POU2F1: variants seen among roughly 807,000 people sequenced by gnomAD.
POU2F1 encodes the protein POU class 2 homeobox 1, also known as POU domain, class 2, transcription factor 1.
In POU2F1, 16 loss-of-function variants were observed where a neutral mutation model predicts 84.9. The observed-to-expected ratio is 0.19, with a 90% CI of 0.13 to 0.29. The LOEUF (loss-of-function observed/expected upper bound fraction) is 0.29. Among genes scored for constraint, POU2F1 ranks in the 10% least tolerant of loss-of-function variants. The probability of loss-of-function intolerance (pLI) is 1.00; values close to 1 mark genes in which losing one functional copy is unlikely to be tolerated. For missense variants in POU2F1, 738 were observed against 942.6 expected (o/e 0.78, Z 2.84); for synonymous variants, 368 against 368.3 (o/e 1.00, Z 0.01).
At chr1:167,253,607 G>A (rs886324210) in intron 1 of POU2F1, among the ~76,000 whole-genome samples, 6 of 151,768 alleles carry the variant, frequency 4.0e-5, no homozygotes, top group African/African-American at 7.3e-5. Flanking sequence ...TTGTATTTTT[G>A]GTAGAGACAG....
intron 1 of POU2F1, among the ~76,000 whole-genome samples, chr1:167,258,527 C>G (rs111885678): frequency 3.3e-5 from 5 of 152,294 alleles, no homozygotes; most frequent in African/African-American, 1.2e-4. Flanking sequence ...GTCTATTTGT[C>G]TATCAGTCAG....
intron 2 of POU2F1, among the ~76,000 whole-genome samples, chr1:167,350,912 C>T (rs970089032): frequency 2.6e-5 from 4 of 151,150 alleles, no homozygotes; most frequent in African/African-American, 9.7e-5. Flanking sequence ...ACAGGAGAAT[C>T]GCTTGAACCC....
chr1:167,317,270 T>C (rs1655973142), intron 1 of POU2F1, among the ~76,000 whole-genome samples: 1 of 152,248 alleles, frequency 6.6e-6, no homozygotes, highest in Non-Finnish European at 1.5e-5. Context: ...TGACCTATTC[T>C]TTTTCTCCCT....
At chr1:167,407,581 C>G (rs1301482378) in intron 13 of POU2F1, among the ~76,000 whole-genome samples, 1 of 152,070 alleles carries the variant, frequency 6.6e-6, no homozygotes, top group Admixed American at 6.5e-5. Context: ...ATTAAGAGTC[C>G]AGAAGCAAAA....
chr1:167,349,878 C>T (rs908589272), intron 2 of POU2F1, among the ~76,000 whole-genome samples: 7 of 152,048 alleles, frequency 4.6e-5, no homozygotes, highest in South Asian at 2.1e-4. Context: ...TGTATATGGG[C>T]GTAATAATTT....
intron 13 of POU2F1, among the ~76,000 whole-genome samples, chr1:167,402,237 T>C (rs1649265572): frequency 1.3e-5 from 2 of 152,192 alleles, no homozygotes; most frequent in Admixed American, 1.3e-4. Context: ...TAAGACATGC[T>C]GTAATTATTC....
chr1:167,275,030 GTAT>G (rs1220672256), intron 1 of POU2F1, among the ~76,000 whole-genome samples: 8 of 120,754 alleles, frequency 6.6e-5, no homozygotes, highest in Admixed American at 2.0e-4. Flanking sequence ...TCAAATAAAT[GTAT>G]TTTTTTTTTT....
At chr1:167,229,853 A>G (rs533171433) in intron 1 of POU2F1, among the ~76,000 whole-genome samples, 1 of 152,326 alleles carries the variant, frequency 6.6e-6, no homozygotes, top group South Asian at 2.1e-4. Context: ...AACTTTATAC[A>G]GTGGAGGTGT....
At chr1:167,369,356 T>A (rs1339270667) in intron 3 of POU2F1, among the ~76,000 whole-genome samples, 1 of 152,192 alleles carries the variant, frequency 6.6e-6, no homozygotes, top group East Asian at 1.9e-4. Context: ...GTTTCTCCAC[T>A]GAAAAGATAC....
chr1:167,338,248 C>G (rs1416114638), intron 2 of POU2F1: 2 of 461,686 alleles, frequency 4.3e-6, no homozygotes, highest in African/African-American at 4.0e-5. Context: ...TCCACTTCCA[C>G]TTAATGAATA....
At chr1:167,411,918 C>T (rs1208228179) in intron 13 of POU2F1, 41 bp from the exon 14 acceptor site, 1 of 1,551,792 alleles carries the variant, frequency 6.4e-7, no homozygotes, top group African/African-American at 1.4e-5. Flanking sequence ...CTTCCAAAAC[C>T]ATTTACAAAA....
chr1:167,283,198 G>C (rs1306975525), intron 1 of POU2F1, among the ~76,000 whole-genome samples: 1 of 152,020 alleles, frequency 6.6e-6, no homozygotes, highest in Admixed American at 6.5e-5. Context: ...AAATATTTGA[G>C]CATCCATTAA....
intron 1 of POU2F1, among the ~76,000 whole-genome samples, chr1:167,319,245 C>T (rs1171375729): frequency 6.6e-6 from 1 of 152,310 alleles, no homozygotes; most frequent in Non-Finnish European, 1.5e-5. Flanking sequence ...CCTGGAGAAA[C>T]ACAAGCATAA....
Position 167,425,139 on chromosome 1 carries a change from C to G in POU2F1, c.*9329C>G, listed in dbSNP as rs1650879966. ...TTCACCTTTTCTTTGAATGTAGTTCCCAACCTTCAATTCCCACCCCTAATG... is the reference window on the plus strand; with the variant it reads ...TTCACCTTTTCTTTGAATGTAGTTCGCAACCTTCAATTCCCACCCCTAATG... On this transcript the variant is annotated 3_prime_UTR_variant, in exon 16 of 16. Transcript: ENST00000367866. The G allele has an allele frequency of 6.6e-6, 1 of 152,036 alleles. No homozygotes were observed. 9.4% of individuals were successfully genotyped at this position (152,036 alleles called of 1,614,324 possible).
At chr1:167,359,703 G>A (rs1381631557) in intron 2 of POU2F1, among the ~76,000 whole-genome samples, 1 of 152,016 alleles carries the variant, frequency 6.6e-6, no homozygotes, top group South Asian at 2.1e-4. Flanking sequence ...ATCCAGTAAT[G>A]GGATTGCTAG....
In POU2F1 at chr1:167,420,495, T is replaced by G. The variant is rs1029036444; in HGVS notation, c.*4685T>G. On this transcript the variant is annotated 3_prime_UTR_variant, in exon 16 of 16. Coordinates refer to ENST00000367866, the MANE Select transcript of POU2F1 (RefSeq NM_002697.4). Reference sequence around the variant, plus strand: ...ATTTTTAAAGTGATAAATCCTGATATTATACATTGCAATTAGTGTAGAATA... The same window carrying G: ...ATTTTTAAAGTGATAAATCCTGATAGTATACATTGCAATTAGTGTAGAATA... The G allele has an allele frequency of 6.6e-6, 1 of 152,210 alleles. No individual in the cohort carries two copies. The highest frequency in any genetic ancestry group is 2.4e-5 in the African/African-American group (1 of 41,440). 9.4% of individuals were successfully genotyped at this position (152,210 alleles called of 1,614,324 possible).
At chr1:167,271,536 A>G (rs997413545) in intron 1 of POU2F1, among the ~76,000 whole-genome samples, 15 of 152,214 alleles carry the variant, frequency 9.9e-5, no homozygotes, top group African/African-American at 3.6e-4. Context: ...CAGTATTTCA[A>G]GGAAGTAGGA....
intron 5 of POU2F1, among the ~76,000 whole-genome samples, chr1:167,372,787 G>A (rs938082660): frequency 3.3e-5 from 5 of 152,118 alleles, no homozygotes; most frequent in African/African-American, 1.2e-4. Context: ...TTTTCTCTAA[G>A]GCACCATTCA....
chr1:167,399,929 A>G (rs1649078016), intron 12 of POU2F1, among the ~76,000 whole-genome samples: 1 of 144,480 alleles, frequency 6.9e-6, no homozygotes, highest in Admixed American at 7.1e-5. Context: ...TTGGCCTCCC[A>G]AAGTGCTGGG....
Sources: gnomAD v4.1 joint callset for allele counts (sites outside exome capture counted in the v4.1 genomes callset) on GRCh38, gnomAD v4.1.1 for gene constraint, MANE v1.5 for transcripts, NCBI Gene and HGNC (gene_info 2026-07-23, HGNC 2026-07-21) for gene names.